The following TNC variants were observed in gnomAD, a reference collection of about 807,000 sequenced individuals.
TNC encodes the protein tenascin.
In TNC, 109 loss-of-function variants were observed where a neutral mutation model predicts 202.4. The observed-to-expected ratio is 0.54, with a 90% confidence interval of 0.46 to 0.63. The LOEUF (loss-of-function observed/expected upper bound fraction) is 0.63. Ranked by LOEUF, TNC falls within the 30% of genes least tolerant of loss-of-function variation. The pLI is 0.00. For synonymous variants in TNC, 1,007 were observed against 1,089.7 expected (o/e 0.92, Z 1.50); for missense variants, 2,756 against 2,833.3 (o/e 0.97, Z 0.62).
At chr9:115,096,770 G>T (rs1235048922) in intron 1 of TNC, among the ~76,000 whole-genome samples, 1 of 152,142 alleles carries the variant, frequency 6.6e-6, no homozygotes, top group Non-Finnish European at 1.5e-5. Context: ...ATTGTCCTTT[G>T]CAGATCTGAA....
At chr9:115,033,095 G>A (rs1170462752) in intron 22 of TNC, among the ~76,000 whole-genome samples, 2 of 152,202 alleles carry the variant, frequency 1.3e-5, no homozygotes, top group African/African-American at 4.8e-5. Flanking sequence ...TCTTCAATGG[G>A]AGAATTGAGT....
chr9:115,037,569 C>T (rs969690704), intron 20 of TNC, among the ~76,000 whole-genome samples: 1 of 152,006 alleles, frequency 6.6e-6, no homozygotes, highest in African/African-American at 2.4e-5. Context: ...CCTCTCTCAC[C>T]CAGGCTGGAG....
chr9:115,022,144 T>C (rs1829120328), intron 27 of TNC, among the ~76,000 whole-genome samples: 2 of 152,260 alleles, frequency 1.3e-5, no homozygotes, highest in African/African-American at 2.4e-5. Context: ...AGTTAATGGC[T>C]AGTGAGATGG....
intron 1 of TNC, among the ~76,000 whole-genome samples, chr9:115,093,138 G>A (rs1835359906): frequency 6.6e-6 from 1 of 152,066 alleles, no homozygotes; most frequent in Non-Finnish European, 1.5e-5. Flanking sequence ...GAGGAATTGT[G>A]GCAAGGAAAA....
Position 115,084,368 on chromosome 9 carries a change from G to C in TNC, c.1972C>G (p.Pro658Ala), listed in dbSNP as rs1346957159. The C allele has an allele frequency of 6.2e-7, 1 of 1,614,074 alleles. No homozygotes were observed. The highest frequency in any genetic ancestry group is 1.7e-5 in the Admixed American group (1 of 59,998). ...ATTTCCAGACCACCCTCGTGGGTGG[G>C]CGTGTACACGACAAGGTACTCTGTG... ...RVTEYLVVYT[P>A]THEGGLEMQF... The change falls in exon 4 of 28, where the codon CCC becomes GCC. Residue 658 changes from proline (P) to alanine (A), a missense_variant. By Grantham distance (27) the Pro-to-Ala change is conservative (BLOSUM62 -1). Around this residue, in one of 2 missense-constraint regions of TNC, gnomAD observed 2,559 missense variants for 2,546.0 expected, o/e 1.01. Coordinates refer to ENST00000350763, the MANE Select transcript of TNC (RefSeq NM_002160.4).
At position 115,090,802 on chromosome 9, in the gene TNC, C is replaced by A. The variant is rs1219927348; in HGVS notation, c.217G>T (p.Gly73Trp). The change falls in exon 2 of 28, where the codon GGG becomes TGG. Residue 73 changes from glycine (G) to tryptophan (W), a missense_variant. Gly to Trp is a radical substitution (Grantham distance 184). Transcript: ENST00000350763. ...GAAGGCGGTGCCAGGTCTTTCTCCC[C>A]ACTGGCTGACTCCAGATCCACCGAA... Reference protein sequence around the residue: ...QCSVDLESASGEKDLAPPSEP... With the variant: ...QCSVDLESASWEKDLAPPSEP... The A allele has an allele frequency of 1.9e-6, 3 of 1,614,202 alleles. No individual in the cohort carries two copies. Among genetic ancestry groups the A allele is most frequent in the Non-Finnish European group, 2.5e-6 (3 of 1,180,012 alleles).
Position 115,086,564 on chromosome 9 carries a change from G to A in TNC, c.1167C>T (p.Asp389=), listed in dbSNP as rs766211039. 1.5e-5 allele frequency: 24 copies of A among 1,613,156 alleles called. No individual in the cohort carries two copies. The highest frequency in any genetic ancestry group is 6.7e-5 in the African/African-American group (5 of 74,660). Reference sequence around the variant, plus strand: ...AACCATCATCACACTCACACCGCCCGTCTACACAGCGGCCACGATTGTGAC... The same window carrying A: ...AACCATCATCACACTCACACCGCCCATCTACACAGCGGCCACGATTGTGAC... The part of the protein sequence containing the change: ...ADCHNRGRCV[D]GRCECDDGFT... Residue 389 remains aspartate (D), a synonymous_variant, in exon 3 of 28, where the codon GAC becomes GAT. Transcript: ENST00000350763.
At chr9:115,069,916 C>A (rs1833338396) in intron 10 of TNC, among the ~76,000 whole-genome samples, 1 of 149,472 alleles carries the variant, frequency 6.7e-6, no homozygotes, top group African/African-American at 2.5e-5. Flanking sequence ...AATGATTTCC[C>A]TTATGCCTTA....
At chr9:115,030,433 T>G (rs1483483915) in intron 23 of TNC, 28 bp from the exon 24 acceptor site, 38 of 1,601,996 alleles carry the variant, frequency 2.4e-5, no homozygotes, top group Non-Finnish European at 3.2e-5. Context: ...ATGGTGATGC[T>G]CTCAGTGCAG....
chr9:115,116,764 G>A (rs967587271), intron 1 of TNC, among the ~76,000 whole-genome samples: 2 of 151,984 alleles, frequency 1.3e-5, no homozygotes, highest in African/African-American at 2.4e-5. Context: ...TTCCAGCCCC[G>A]GGCTACTACC....
At chr9:115,039,230 C>G (rs1037924029) in intron 19 of TNC, among the ~76,000 whole-genome samples, 6 of 152,152 alleles carry the variant, frequency 3.9e-5, no homozygotes, top group African/African-American at 1.4e-4. Context: ...TCTACCATGG[C>G]TTCTCTGCCT....
intron 1 of TNC, among the ~76,000 whole-genome samples, chr9:115,111,399 C>CT (rs71375272): frequency 0.31 from 22,237 of 71,416 alleles, 6,143 homozygotes; most frequent in Admixed American, 0.34. Context: ...CTCTCTCTCT[C>CT]TTTTTTTTTT....
At position 115,086,814 on chromosome 9, in the gene TNC, G is replaced by A. The variant is rs759365021; in HGVS notation, c.917C>T (p.Thr306Met). ...ENECVCDEGF[T>M]GEDCSELICP... ...GATGAGCTCACTGCAGTCTTCGCCC[G>A]TGAAACCCTCATCACACACGCACTC... Residue 306 changes from threonine to methionine, a missense_variant, in exon 3 of 28, where the codon ACG (threonine) becomes ATG (methionine). Thr to Met is a moderately conservative substitution (Grantham distance 81, BLOSUM62 -1). Around this residue, in one of 2 missense-constraint regions of TNC, gnomAD observed 2,559 missense variants for 2,546.0 expected, o/e 1.01. Transcript: ENST00000350763. The A allele has an allele frequency of 5.5e-5, 88 of 1,613,940 alleles. No homozygotes were observed. The East Asian group carries it at 1.8e-3, about 33-fold the overall frequency.
chr9:115,095,240 C>A (rs919219340), intron 1 of TNC, among the ~76,000 whole-genome samples: 4 of 151,786 alleles, frequency 2.6e-5, no homozygotes, highest in Admixed American at 6.6e-5. Context: ...TCTTTGGTAG[C>A]AGTAAGAGCT....
At chr9:115,047,527 T>C (rs770372138) in intron 16 of TNC, among the ~76,000 whole-genome samples, 6 of 152,174 alleles carry the variant, frequency 3.9e-5, no homozygotes, top group Non-Finnish European at 7.3e-5. Context: ...TTGGAGATGA[T>C]GCACGTTAGG....
At chr9:115,044,346 T>C (rs1455257177) in intron 17 of TNC, among the ~76,000 whole-genome samples, 3 of 151,002 alleles carry the variant, frequency 2.0e-5, no homozygotes, top group Non-Finnish European at 4.4e-5. Context: ...AAGAGCCCCC[T>C]TTCCTGTCTT....
chr9:115,021,102 A>G lies in TNC; in HGVS notation c.*55T>C. On this transcript the variant is annotated 3_prime_UTR_variant, in exon 28 of 28. Coordinates refer to ENST00000350763, the MANE Select transcript of TNC (RefSeq NM_002160.4). ...GGCTGGTTGTATTGATGCTTTGGTA[A>G]AATCCTTTCCTCGCTCTGGGCCTTA... 6.9e-7 allele frequency: 1 copy of G among 1,444,972 alleles called. No individual in the cohort carries two copies. The highest frequency in any genetic ancestry group is 1.2e-5 in the South Asian group (1 of 85,976). 89.5% of individuals were successfully genotyped at this position (1,444,972 alleles called of 1,614,324 possible). A position where few individuals can be genotyped will look rare whatever the true frequency, so the allele number is the denominator to read the frequency against.
chr9:115,031,673 C>A lies in TNC; in HGVS notation c.5800G>T (p.Gly1934Cys). The A allele has an allele frequency of 6.2e-7, 1 of 1,609,540 alleles. No homozygotes were observed. Among genetic ancestry groups the A allele is most frequent in the South Asian group, 1.1e-5 (1 of 90,402 alleles). Residue 1934 changes from glycine to cysteine, a missense_variant, in exon 23 of 28, where the codon GGT (glycine) becomes TGT (cysteine). This residue lies in a region of TNC where 2,559 missense variants were observed against 2,546.0 expected (regional missense o/e 1.01). Coordinates refer to ENST00000350763, the MANE Select transcript of TNC (RefSeq NM_002160.4). Reference protein sequence around the residue: ...VDGTVKEVIVGPDTTSYSLAD... With the variant: ...VDGTVKEVIVCPDTTSYSLAD... Reference sequence around the variant, plus strand: ...AGGCTGTAGGAGGTGGTATCTGGACCCACAATGACTTCCTAAGAGCAGAAG... The same window carrying A: ...AGGCTGTAGGAGGTGGTATCTGGACACACAATGACTTCCTAAGAGCAGAAG...
chr9:115,038,194 G>T, intron 20 of TNC, 67 bp downstream of exon 20: 1 of 1,559,514 alleles, frequency 6.4e-7, no homozygotes, highest in Non-Finnish European at 8.7e-7. Context: ...GGAGAAGAGC[G>T]AATGGGAAGA....
Sources: gnomAD v4.1 joint callset for allele counts (sites outside exome capture counted in the v4.1 genomes callset) on GRCh38, gnomAD v4.1.1 for gene constraint, gnomAD v4.1.1 regional missense constraint, MANE v1.5 for transcripts, NCBI Gene and HGNC (gene_info 2026-07-23, HGNC 2026-07-21) for gene names.